Variants in CCDC102B observed in about 807,000 individuals in gnomAD.
CCDC102B encodes coiled-coil domain containing 102B.
In CCDC102B, 75 loss-of-function variants were observed where a neutral mutation model predicts 57.4. The ratio of observed to expected loss-of-function variants is 1.31; its 90% CI spans 1.08 to 1.58. The LOEUF (loss-of-function observed/expected upper bound fraction) is 1.58, where lower values mean the gene tolerates loss of function less well. CCDC102B is among the 40% of genes most tolerant of loss of function. The pLI, the probability that CCDC102B is intolerant of heterozygous loss-of-function variation, is 0.00. For synonymous variants in CCDC102B, 206 were observed against 201.9 expected, an observed-to-expected ratio of 1.02 and a Z score of -0.17; for missense variants, 636 against 582.6, an observed-to-expected ratio of 1.09 and a Z score of -0.94.
intron 7 of CCDC102B, among the ~76,000 whole-genome samples, chr18:69,050,422 T>C (rs2052676771): frequency 6.6e-6 from 1 of 152,198 alleles, no homozygotes; most frequent in Middle Eastern, 3.2e-3. Context: ...AGATATTAAG[T>C]GCTCATTTTA....
In CCDC102B at chr18:68,997,816, A is replaced by G. The variant is rs560543033; in HGVS notation, c.1264-13118A>G. Among the ~76,000 whole-genome samples, 12 of 144,304 alleles carry G rather than the reference A, an allele frequency of 8.3e-5. No homozygotes were observed. The South Asian group carries it at 2.8e-3, about 34-fold the overall frequency. 94.7% of individuals were successfully genotyped at this position (144,304 alleles called of 152,430 possible). On this transcript the variant is annotated intron_variant, in intron 6 of 7. Coordinates refer to ENST00000360242, the MANE Select transcript of CCDC102B (RefSeq NM_024781.3). ...CGTTTCCTATTAATTCACTTTATTA[A>G]TTTAATTATAATTTATCATTTATCA...
chr18:68,833,682 G>A (rs1308849152), intron 1 of CCDC102B, among the ~76,000 whole-genome samples: 2 of 152,084 alleles, frequency 1.3e-5, no homozygotes, highest in Non-Finnish European at 2.9e-5. Flanking sequence ...AAGTGGCAGA[G>A]TAAGACTCTA....
intron 4 of CCDC102B, among the ~76,000 whole-genome samples, chr18:68,872,487 CTTAAT>C (rs1460481395): frequency 6.6e-6 from 1 of 151,786 alleles, no homozygotes; most frequent in Non-Finnish European, 1.5e-5. Context: ...TTGCTGTGTC[CTTAAT>C]TTATGAGTCT....
intron 6 of CCDC102B, among the ~76,000 whole-genome samples, chr18:68,901,622 C>T (rs2145035762): frequency 6.6e-6 from 1 of 152,232 alleles, no homozygotes; most frequent in East Asian, 1.9e-4. Context: ...AAAGTCTTTC[C>T]CCTCAACTGG....
intron 5 of CCDC102B, among the ~76,000 whole-genome samples, chr18:68,888,356 A>T (rs1391151399): frequency 6.6e-6 from 1 of 152,204 alleles, no homozygotes; most frequent in Non-Finnish European, 1.5e-5. Context: ...CAATCAGATT[A>T]GTTCAGTGAT....
intron 5 of CCDC102B, among the ~76,000 whole-genome samples, chr18:68,879,742 C>G (rs1364012142): frequency 6.6e-6 from 1 of 152,062 alleles, no homozygotes; most frequent in Non-Finnish European, 1.5e-5. Flanking sequence ...TCTCCAAGGC[C>G]CCACCAGAAT....
intron 6 of CCDC102B, chr18:68,897,743 A>AATAAGATCTC (rs2040295094): frequency 1.3e-6 from 1 of 750,472 alleles, no homozygotes; most frequent in South Asian, 1.7e-5. Flanking sequence ...AGTATTTTCT[A>AATAAGATCTC]AGCTAATGAT....
At chr18:68,856,549 T>C (rs2038395720) in intron 4 of CCDC102B, among the ~76,000 whole-genome samples, 1 of 152,176 alleles carries the variant, frequency 6.6e-6, no homozygotes, top group Non-Finnish European at 1.5e-5. Flanking sequence ...TCTTCCCACA[T>C]TGGCCTCCCA....
chr18:68,769,679 G>A (rs1408913957), intron 2 of CCDC102B, among the ~76,000 whole-genome samples: 2 of 151,870 alleles, frequency 1.3e-5, no homozygotes, highest in African/African-American at 4.8e-5. Flanking sequence ...ACTGTGAGTA[G>A]TAATAAGGAA....
intron 7 of CCDC102B, among the ~76,000 whole-genome samples, chr18:69,045,783 G>A (rs1305517522): frequency 1.3e-5 from 2 of 152,030 alleles, no homozygotes; most frequent in African/African-American, 4.8e-5. Context: ...GTAGGTCCCA[G>A]TGTCTGTTGT....
In CCDC102B at chr18:68,911,619, G is replaced by T. The variant is rs992135403; in HGVS notation, c.1263+14191G>T. The stretch of plus-strand genomic sequence containing the variant: ...TACAAAAAATTAGCCGGGCGTGGTG[G>T]CGGGCGCCTGTAGTCCCAGCTACTC... On this transcript the variant is annotated intron_variant, in intron 6 of 7. Coordinates refer to ENST00000360242, the MANE Select transcript of CCDC102B (RefSeq NM_024781.3). Among the ~76,000 whole-genome samples, 20 of 149,984 alleles carry T rather than the reference G, an allele frequency of 1.3e-4. 1 individual carries two copies. The highest frequency in any genetic ancestry group is 4.2e-4 in the African/African-American group (17 of 40,480).
chr18:68,811,555 C>A (rs955520141), intron 1 of CCDC102B, among the ~76,000 whole-genome samples: 2 of 152,134 alleles, frequency 1.3e-5, no homozygotes, highest in African/African-American at 4.8e-5. Flanking sequence ...GCAGAGGTTG[C>A]AGTGAGCCAA....
At chr18:68,729,682 A>G (rs987483725) in intron 2 of CCDC102B, among the ~76,000 whole-genome samples, 1 of 152,222 alleles carries the variant, frequency 6.6e-6, no homozygotes, top group East Asian at 1.9e-4. Context: ...ACAAATGAGC[A>G]AGCAAAACAT....
chr18:68,924,867 A>C (rs146561938), intron 6 of CCDC102B, among the ~76,000 whole-genome samples: 5 of 152,200 alleles, frequency 3.3e-5, no homozygotes, highest in Non-Finnish European at 7.4e-5. Context: ...CTCAAATTTT[A>C]GTGGGTTACC....
chr18:68,744,819 A>G (rs559224953), intron 2 of CCDC102B, among the ~76,000 whole-genome samples: 2 of 152,302 alleles, frequency 1.3e-5, no homozygotes, highest in East Asian at 1.9e-4. Context: ...GTACATCACT[A>G]TGTTTTCAAT....
intron 3 of CCDC102B, among the ~76,000 whole-genome samples, chr18:68,845,688 C>T (rs1392757403): frequency 6.6e-6 from 1 of 151,700 alleles, no homozygotes; most frequent in Non-Finnish European, 1.5e-5. Context: ...AAACAAAAAT[C>T]CAGTGGTTGG....
chr18:68,850,548 G>A (rs2038076768), intron 4 of CCDC102B, among the ~76,000 whole-genome samples: 1 of 152,006 alleles, frequency 6.6e-6, no homozygotes, highest in Non-Finnish European at 1.5e-5. Context: ...TTCCTTCTAG[G>A]TGGTTGAAGG....
chr18:68,929,027 G>A (rs1326745490), intron 6 of CCDC102B, among the ~76,000 whole-genome samples: 6 of 151,868 alleles, frequency 4.0e-5, no homozygotes, highest in African/African-American at 7.3e-5. Flanking sequence ...CCAGGAATAC[G>A]TGCTCAATGA....
At chr18:69,024,338 A>G (rs921560089) in intron 7 of CCDC102B, among the ~76,000 whole-genome samples, 1 of 152,088 alleles carries the variant, frequency 6.6e-6, no homozygotes, top group Admixed American at 6.5e-5. Flanking sequence ...ATGATTACTT[A>G]TATTTCAACA....
Sources: gnomAD v4.1 joint callset for allele counts (sites outside exome capture counted in the v4.1 genomes callset) on GRCh38, gnomAD v4.1.1 for gene constraint, MANE v1.5 for transcripts, NCBI Gene and HGNC (gene_info 2026-07-23, HGNC 2026-07-21) for gene names.